Variants in INTS10 observed in about 807,000 individuals in gnomAD.
INTS10 encodes integrator complex subunit 10, also known as chromosome 8 open reading frame 35.
In INTS10, 44 loss-of-function variants were observed where a neutral mutation model predicts 94.4. The ratio of observed to expected loss-of-function variants is 0.47; its 90% CI spans 0.37 to 0.60. The LOEUF is 0.60. INTS10 is among the 20% of genes least tolerant of loss of function. The pLI, the probability that INTS10 is intolerant of heterozygous loss-of-function variation, is 0.00. For missense variants in INTS10, 797 were observed against 868.7 expected, an observed-to-expected ratio of 0.92 and a Z score of 1.04; for synonymous variants, 341 against 320.7, an observed-to-expected ratio of 1.06 and a Z score of -0.68.
At chr8:19,818,180 C>G (rs1415281594) in intron 1 of INTS10, 95 bp from the exon 2 acceptor site, 2 of 1,212,902 alleles carry the variant, frequency 1.6e-6, no homozygotes, top group Non-Finnish European at 2.5e-6. Flanking sequence ...CTCTCAGGCC[C>G]TCCCTTCCTG....
chr8:19,847,296 G>C (rs985480311), intron 16 of INTS10, among the ~76,000 whole-genome samples: 1 of 152,162 alleles, frequency 6.6e-6, no homozygotes, highest in Non-Finnish European at 1.5e-5. Flanking sequence ...AAGCAGGATG[G>C]ACAAGGACTG....
At chr8:19,828,722 G>GTT (rs546461512) in intron 9 of INTS10, among the ~76,000 whole-genome samples, 51 of 143,184 alleles carry the variant, frequency 3.6e-4, no homozygotes, top group Admixed American at 5.6e-4. Context: ...TACGGTTGTG[G>GTT]TTTTTTTTTT....
intron 15 of INTS10, 50 bp downstream of exon 15, chr8:19,844,288 T>G: frequency 7.7e-7 from 1 of 1,291,478 alleles, no homozygotes; most frequent in Non-Finnish European, 1.1e-6. Flanking sequence ...TTCTTTAGAA[T>G]GAATACATGA....
chr8:19,838,125 G>A (rs1033492272), intron 13 of INTS10, among the ~76,000 whole-genome samples: 17 of 152,156 alleles, frequency 1.1e-4, no homozygotes, highest in Admixed American at 1.1e-3. Flanking sequence ...GGAAGCCAAG[G>A]ATGGCAGATC....
At chr8:19,818,952 C>T (rs2066154659) in intron 2 of INTS10, 1 of 152,328 alleles carries the variant, frequency 6.6e-6, no homozygotes, top group South Asian at 2.1e-4. Flanking sequence ...ATTTTGTAGT[C>T]ATATTTTGGT....
At position 19,833,294 on chromosome 8, in the gene INTS10, G is replaced by C. The variant is rs199835366; in HGVS notation, c.1503G>C (p.Thr501=). 6.2e-7 allele frequency: 1 copy of C among 1,612,468 alleles called. No homozygotes were observed. Among genetic ancestry groups the C allele is most frequent in the Non-Finnish European group, 8.5e-7 (1 of 1,179,246 alleles). The change falls in exon 12 of 17, where the codon ACG becomes ACC. Residue 501 remains threonine (T), a synonymous_variant. Coordinates refer to ENST00000397977, the MANE Select transcript of INTS10 (RefSeq NM_018142.4). ...AGAGGGCGCTCATCCAGCTGGCGAC[G>C]TGCCACTTTGCGCTAGGGGAGTACA... ...EHQRALIQLA[T]CHFALGEYRM...
At chr8:19,818,891 A>G (rs530606952) in intron 2 of INTS10, 1 of 152,662 alleles carries the variant, frequency 6.6e-6, no homozygotes, top group African/African-American at 2.4e-5. Flanking sequence ...CTTGGTAGAC[A>G]TTTAAATAGA....
rs777188005 is a variant in INTS10 at position 19,826,542 on chromosome 8, G to A, written c.1123G>A (p.Gly375Arg). 45 of 1,610,660 alleles carry A rather than the reference G, an allele frequency of 2.8e-5. 1 individual carries two copies. Among genetic ancestry groups the A allele is most frequent in the Non-Finnish European group, 3.8e-5 (45 of 1,179,072 alleles). Residue 375 changes from glycine to arginine, a missense_variant, in exon 9 of 17, where the codon GGA becomes AGA. This residue lies in a region of INTS10 where 734 missense variants were observed against 787.8 expected (regional missense o/e 0.93). Coordinates refer to ENST00000397977, the MANE Select transcript of INTS10 (RefSeq NM_018142.4). ...HIHKKRKLAE[G>R]REKTMSSDDE... ...CCATAAAAAGAGGAAACTAGCTGAA[G>A]GAAGAGAAAAAACCATGGTAAGGCT...
chr8:19,825,455 GGCAGAGGCT>G lies in INTS10; in HGVS notation c.1006+488_1006+496del, dbSNP rs1236225902. Among the ~76,000 whole-genome samples the G allele has an allele frequency of 2.6e-5, 4 of 151,974 alleles. No homozygotes were observed. The East Asian group carries it at 7.7e-4, about 29-fold the overall frequency. On this transcript the variant is annotated intron_variant, in intron 8 of 16. Coordinates refer to ENST00000397977, the MANE Select transcript of INTS10 (RefSeq NM_018142.4). The stretch of plus-strand genomic sequence containing the variant: ...GCAGGAGAATCGCCTGAACCCGGGA[GGCAGAGGCT>G]GCAGTGAGCTGAGGTCGCACCTTGC...
In INTS10 at chr8:19,846,143, C is replaced by T. The variant is rs1022127264; in HGVS notation, c.1976+346C>T. Reference sequence around the variant, plus strand: ...CTTTAATTAAGAACAGTTGTGTGGCCAGGCATGGTGGCTCACGCCTGTAAT... The same window carrying T: ...CTTTAATTAAGAACAGTTGTGTGGCTAGGCATGGTGGCTCACGCCTGTAAT... On this transcript the variant is annotated intron_variant, in intron 16 of 16. Transcript: ENST00000397977. The surrounding 1 kb of genome is among the most constrained non-coding windows in gnomAD (Gnocchi z 4.2). 6.6e-6 allele frequency among the ~76,000 whole-genome samples: 1 copy of T among 151,782 alleles called. No homozygotes were observed. The highest frequency in any genetic ancestry group is 6.6e-5 in the Admixed American group (1 of 15,230).
rs781108661 is a variant in INTS10, at chr8:19,826,406, G to C, written c.1007-20G>C. The C allele has an allele frequency of 6.2e-7, 1 of 1,600,722 alleles. No individual in the cohort carries two copies. The highest frequency in any genetic ancestry group is 1.1e-5 in the South Asian group (1 of 88,660). ...CTCCTTGCTGCACTGGTAAGTGTTG[G>C]TGTTTTTCCCCGTCCTTAGGTCCTA... On this transcript the variant is annotated intron_variant, in intron 8 of 16. Coordinates refer to ENST00000397977, the MANE Select transcript of INTS10 (RefSeq NM_018142.4).
intron 5 of INTS10, among the ~76,000 whole-genome samples, chr8:19,822,740 A>G (rs1004578500): frequency 6.6e-6 from 1 of 152,048 alleles, no homozygotes; most frequent in Admixed American, 6.5e-5. Context: ...TCACGAGGTC[A>G]AGAGATCGAG....
At chr8:19,832,190 G>T in intron 11 of INTS10, 80 bp downstream of exon 11, 1 of 807,320 alleles carries the variant, frequency 1.2e-6, no homozygotes, top group Non-Finnish European at 2.2e-6. Flanking sequence ...TATGCAGAAT[G>T]TGTCATGTTC....
At chr8:19,840,609 A>G (rs1019718998) in intron 13 of INTS10, among the ~76,000 whole-genome samples, 1 of 152,264 alleles carries the variant, frequency 6.6e-6, no homozygotes, top group Non-Finnish European at 1.5e-5. Context: ...GAATCCAGAA[A>G]TAGACCTGCA....
chr8:19,851,813 C>A lies in INTS10; in HGVS notation c.*8C>A. The A allele has an allele frequency of 6.2e-7, 1 of 1,613,288 alleles. No homozygotes were observed. Among genetic ancestry groups the A allele is most frequent in the African/African-American group, 1.3e-5 (1 of 75,022 alleles). ...CTTCAGACTCTGACCTGAGTGGAGA[C>A]CTTTCCACCAGACACAGCTCGGGCC... On this transcript the variant is annotated 3_prime_UTR_variant, in exon 17 of 17. Transcript: ENST00000397977. The surrounding 1 kb of genome is among the most constrained non-coding windows in gnomAD (Gnocchi z 5.0).
rs765490521 is a variant in INTS10, at chr8:19,835,265, TTATAA to T, written c.1531-1785_1531-1781del. Among the ~76,000 whole-genome samples the T allele has an allele frequency of 7.9e-5, 12 of 152,268 alleles. No homozygotes were observed. The East Asian group carries it at 9.7e-4, about 12-fold the overall frequency. ...TCACCCTTTTTCCAACCCTATAAAA[TTATAA>T]TCGTTGCTTTCTAAAATACTGCTTT... On this transcript the variant is annotated intron_variant, in intron 12 of 16. Transcript: ENST00000397977.
intron 7 of INTS10, 154 bp from the exon 8 acceptor site, chr8:19,824,649 G>C (rs1028009059): frequency 5.5e-6 from 3 of 541,768 alleles, no homozygotes; most frequent in Non-Finnish European, 6.4e-6. Context: ...ATTCAGAAGG[G>C]AAAAGTTACC....
intron 15 of INTS10, among the ~76,000 whole-genome samples, chr8:19,845,136 C>T (rs763103216): frequency 4.6e-5 from 7 of 152,098 alleles, no homozygotes; most frequent in Non-Finnish European, 1.0e-4. Flanking sequence ...TAATTTTTCA[C>T]TAGAAAAATG....
At chr8:19,834,842 G>A (rs78226669) in intron 12 of INTS10, among the ~76,000 whole-genome samples, 2,299 of 152,212 alleles carry the variant, frequency 0.015, 39 homozygotes, top group Admixed American at 0.022. Context: ...TCTGGAGGCT[G>A]GGAAGTCCAA....
Sources: allele counts gnomAD v4.1 joint callset (sites outside exome capture counted in the v4.1 genomes callset), GRCh38; gene constraint gnomAD v4.1.1; regional missense constraint gnomAD v4.1.1; non-coding constraint Gnocchi (gnomAD v3.1); transcripts MANE v1.5; gene names NCBI Gene and HGNC (gene_info 2026-07-23, HGNC 2026-07-21).